CSMD3: variants seen among roughly 807,000 people sequenced by gnomAD.
CSMD3 encodes the protein CUB and Sushi multiple domains 3.
In CSMD3, 177 loss-of-function variants were observed where a neutral mutation model predicts 435.2. The ratio of observed to expected loss-of-function variants is 0.41; its 90% CI spans 0.36 to 0.46. The LOEUF (loss-of-function observed/expected upper bound fraction) is 0.46. Ranked by LOEUF, CSMD3 falls within the 20% of genes least tolerant of loss-of-function variation. The pLI is 0.34. For missense variants in CSMD3, 4,265 were observed against 4,504.6 expected (o/e 0.95, Z 1.52); for synonymous variants, 1,656 against 1,520.5 (o/e 1.09, Z -2.07).
intron 22 of CSMD3, among the ~76,000 whole-genome samples, chr8:112,611,185 G>A (rs1449948187): frequency 1.3e-5 from 2 of 152,150 alleles, no homozygotes; most frequent in Non-Finnish European, 1.5e-5. Context: ...GAAATGCCAC[G>A]CATAATGCAG....
At chr8:112,428,763 C>T (rs1813348434) in intron 32 of CSMD3, among the ~76,000 whole-genome samples, 1 of 152,094 alleles carries the variant, frequency 6.6e-6, no homozygotes, top group South Asian at 2.1e-4. Context: ...GAATAAGGCT[C>T]ATCTGTTCCG....
intron 6 of CSMD3, among the ~76,000 whole-genome samples, chr8:113,006,059 C>T (rs1464039149): frequency 1.3e-5 from 2 of 152,038 alleles, no homozygotes; most frequent in African/African-American, 4.8e-5. Context: ...TTCAAGACTA[C>T]AAGTTTTATC....
chr8:112,291,011 C>T (rs946726617), intron 56 of CSMD3, among the ~76,000 whole-genome samples: 2 of 152,000 alleles, frequency 1.3e-5, no homozygotes, highest in Admixed American at 1.3e-4. Flanking sequence ...ATTAGATATT[C>T]ACTGACTAGA....
At chr8:113,142,973 A>T (rs2131738677) in intron 4 of CSMD3, among the ~76,000 whole-genome samples, 1 of 150,984 alleles carries the variant, frequency 6.6e-6, no homozygotes, top group South Asian at 2.1e-4. Context: ...ATTTTTAAAA[A>T]AATCTTCAAA....
intron 1 of CSMD3, among the ~76,000 whole-genome samples, chr8:113,386,761 A>G (rs996576282): frequency 2.0e-5 from 3 of 151,888 alleles, no homozygotes; most frequent in East Asian, 1.9e-4. Flanking sequence ...ATTAAATAAG[A>G]TTACTGAGCC....
rs143777462 is a variant in CSMD3 at position 113,197,904 on chromosome 8, T to C, written c.515-23988A>G. ...AACTAAATGGAGAGAATGTTTTATATAAAATGCTTACCATAAGAGGATTCA... is the reference window on the plus strand; with the variant it reads ...AACTAAATGGAGAGAATGTTTTATACAAAATGCTTACCATAAGAGGATTCA... On this transcript the variant is annotated intron_variant, in intron 3 of 70. Coordinates refer to ENST00000297405, the MANE Select transcript of CSMD3 (RefSeq NM_198123.2). Among the ~76,000 whole-genome samples, 583 of 151,438 alleles carry C rather than the reference T, an allele frequency of 3.8e-3. 2 individuals carry two copies. Among genetic ancestry groups the C allele is most frequent in the Non-Finnish European group, 5.1e-3 (343 of 67,508 alleles).
At chr8:112,289,075 A>C (rs557349841) in intron 57 of CSMD3, among the ~76,000 whole-genome samples, 2 of 152,196 alleles carry the variant, frequency 1.3e-5, no homozygotes, top group Admixed American at 1.3e-4. Flanking sequence ...CATTTTAACG[A>C]ACAAAAGCAC....
chr8:113,252,765 T>C (rs2093345621), intron 3 of CSMD3, among the ~76,000 whole-genome samples: 1 of 152,176 alleles, frequency 6.6e-6, no homozygotes, highest in East Asian at 1.9e-4. Flanking sequence ...ATGGAGATAT[T>C]CTGCAGATGG....
Position 113,098,744 on chromosome 8 carries a change from C to A in CSMD3, c.917+12G>T, listed in dbSNP as rs559216180. ...AACATCAATGCAAGGTTAATAGAAG[C>A]TATTTACTTACCATATGGTAGGTGG... On this transcript the variant is annotated intron_variant, in intron 5 of 70. Coordinates refer to ENST00000297405, the MANE Select transcript of CSMD3 (RefSeq NM_198123.2). The A allele has an allele frequency of 6.5e-7, 1 of 1,542,358 alleles. No homozygotes were observed. Among genetic ancestry groups the A allele is most frequent in the Non-Finnish European group, 9.0e-7 (1 of 1,115,424 alleles).
chr8:112,238,332 C>G (rs1453582880), intron 66 of CSMD3, among the ~76,000 whole-genome samples: 3 of 151,950 alleles, frequency 2.0e-5, no homozygotes, highest in Non-Finnish European at 2.9e-5. Flanking sequence ...ATGTATCACA[C>G]TTCTTACCAG....
In CSMD3 at chr8:112,668,298, A is replaced by G. The variant is rs114139034; in HGVS notation, c.2678-1883T>C. 5.2e-3 allele frequency among the ~76,000 whole-genome samples: 785 copies of G among 152,244 alleles called. 8 individuals carry two copies. The highest frequency in any genetic ancestry group is 0.017 in the African/African-American group (704 of 41,556). On this transcript the variant is annotated intron_variant, in intron 16 of 70. Coordinates refer to ENST00000297405, the MANE Select transcript of CSMD3 (RefSeq NM_198123.2). ...ATAGTCACTTAAATTACCATATTTT[A>G]CAAGACAGAGCTAAGTATTTTAGTG... is the stretch of plus-strand genomic sequence containing the variant.
rs952109246 is a variant in CSMD3, at chr8:113,179,706, T to C, written c.515-5790A>G. 1.6e-4 allele frequency among the ~76,000 whole-genome samples: 25 copies of C among 151,826 alleles called. 1 individual carries two copies. The highest frequency in any genetic ancestry group is 1.6e-4 in the Non-Finnish European group (11 of 67,788). ...AATTTTCAAAAGGAAAATAAGTAAG[T>C]TTAAAATGCAATTTAAATCTTGAAA... On this transcript the variant is annotated intron_variant, in intron 3 of 70. Transcript: ENST00000297405.
At chr8:113,162,778 A>C (rs1405788017) in intron 4 of CSMD3, among the ~76,000 whole-genome samples, 1 of 152,102 alleles carries the variant, frequency 6.6e-6, no homozygotes, top group Non-Finnish European at 1.5e-5. Context: ...AGAATAGTTC[A>C]AAAATGTCTC....
intron 59 of CSMD3, among the ~76,000 whole-genome samples, chr8:112,273,354 A>G (rs1416018926): frequency 6.6e-6 from 1 of 152,118 alleles, no homozygotes. Context: ...AATCTCTTCA[A>G]TGACTATTAT....
chr8:112,755,625 G>C (rs2077680843), intron 13 of CSMD3, among the ~76,000 whole-genome samples: 1 of 150,424 alleles, frequency 6.6e-6, no homozygotes, highest in African/African-American at 2.4e-5. Context: ...TATAAACAGG[G>C]TGAGAACGGA....
chr8:113,407,947 T>A (rs1185415826), intron 1 of CSMD3, among the ~76,000 whole-genome samples: 2 of 152,142 alleles, frequency 1.3e-5, no homozygotes, highest in Non-Finnish European at 2.9e-5. Flanking sequence ...GACCGTAGTT[T>A]AAAGTTATAG....
intron 7 of CSMD3, among the ~76,000 whole-genome samples, chr8:112,960,233 A>G (rs1309178171): frequency 6.6e-6 from 1 of 151,596 alleles, no homozygotes; most frequent in Non-Finnish European, 1.5e-5. Flanking sequence ...CACTTTTCAG[A>G]ACATACTTAT....
chr8:112,740,679 C>G (rs1352747031), intron 13 of CSMD3, among the ~76,000 whole-genome samples: 2 of 151,794 alleles, frequency 1.3e-5, no homozygotes, highest in Non-Finnish European at 2.9e-5. Flanking sequence ...AGGGGTTACC[C>G]AAGAAAGAAA....
chr8:113,117,464 G>A (rs542579268), intron 4 of CSMD3, among the ~76,000 whole-genome samples: 1 of 152,342 alleles, frequency 6.6e-6, no homozygotes, highest in East Asian at 1.9e-4. Flanking sequence ...TGCTGTGGAA[G>A]TGGAGCCCTC....
Sources: allele counts gnomAD v4.1 joint callset (sites outside exome capture counted in the v4.1 genomes callset), GRCh38; gene constraint gnomAD v4.1.1; transcripts MANE v1.5; gene names NCBI Gene and HGNC (gene_info 2026-07-23, HGNC 2026-07-21).